Variants in ROBO2 observed in about 807,000 individuals in gnomAD.
The protein encoded by ROBO2 is roundabout guidance receptor 2, also known as roundabout homolog 2.
A neutral mutation model predicts 160.8 loss-of-function variants in ROBO2; 53 were observed. That is an observed-to-expected ratio of 0.33 (90% CI 0.26 to 0.41). ROBO2 has a LOEUF of 0.41. ROBO2 is among the 10% of genes least tolerant of loss of function. The pLI, the probability that ROBO2 is intolerant of heterozygous loss-of-function variation, is 1.00. For missense variants in ROBO2, 1,577 were observed against 1,722.4 expected, an observed-to-expected ratio of 0.92 and a Z score of 1.49; for synonymous variants, 664 against 611.7, an observed-to-expected ratio of 1.09 and a Z score of -1.26.
At chr3:77,332,263 C>G (rs1480811560) in intron 2 of ROBO2, among the ~76,000 whole-genome samples, 1 of 152,046 alleles carries the variant, frequency 6.6e-6, no homozygotes, top group African/African-American at 2.4e-5. Flanking sequence ...TTCATTGGAA[C>G]CTTTTGTGAC....
At chr3:76,497,969 G>A (rs2080246132) in intron 2 of ROBO2, among the ~76,000 whole-genome samples, 2 of 151,990 alleles carry the variant, frequency 1.3e-5, no homozygotes, top group African/African-American at 4.8e-5. Flanking sequence ...TCCTTAACCT[G>A]CTTTATTTGT....
At chr3:77,197,965 A>G (rs1038606375) in intron 2 of ROBO2, among the ~76,000 whole-genome samples, 1 of 152,156 alleles carries the variant, frequency 6.6e-6, no homozygotes, top group African/African-American at 2.4e-5. Flanking sequence ...CTATTTGTGT[A>G]TTTGTACTCC....
chr3:76,919,501 A>G (rs6784090), intron 2 of ROBO2, among the ~76,000 whole-genome samples: 26,476 of 152,114 alleles, frequency 0.17, 2,598 homozygotes, highest in Non-Finnish European at 0.23. Context: ...TGTAAATTTA[A>G]TAGTATCTTC....
At position 76,034,372 on chromosome 3, in the gene ROBO2, A is replaced by G. The variant is rs186634632; in HGVS notation, c.109+96770A>G. Among the ~76,000 whole-genome samples, 377 of 152,294 alleles carry G rather than the reference A, an allele frequency of 2.5e-3. 2 individuals carry two copies. Among genetic ancestry groups the G allele is most frequent in the Middle Eastern group, 0.014 (4 of 294 alleles). On this transcript the variant is annotated intron_variant, in intron 2 of 26. Coordinates refer to the ROBO2 transcript ENST00000487694. ...TTAGCTGGTTAATTCAGAAGGACTAAATGCATCTATTTCTATTATATTTTT... is the reference window on the plus strand; with the variant it reads ...TTAGCTGGTTAATTCAGAAGGACTAGATGCATCTATTTCTATTATATTTTT...
intron 2 of ROBO2, among the ~76,000 whole-genome samples, chr3:76,295,894 AG>A (rs1325125643): frequency 1.3e-5 from 2 of 152,166 alleles, no homozygotes; most frequent in Non-Finnish European, 2.9e-5. Flanking sequence ...GGATTGAGAT[AG>A]GAGAAGCTAG....
At chr3:76,374,549 A>G (rs1419404711) in intron 2 of ROBO2, among the ~76,000 whole-genome samples, 1 of 152,052 alleles carries the variant, frequency 6.6e-6, no homozygotes, top group Non-Finnish European at 1.5e-5. Context: ...ATCTCTTTAT[A>G]TAAGGTTTAA....
intron 2 of ROBO2, among the ~76,000 whole-genome samples, chr3:76,612,021 G>T (rs2088168093): frequency 4.6e-5 from 7 of 152,044 alleles, no homozygotes. Context: ...TGACCCATTG[G>T]TCATTCAGAA....
intron 2 of ROBO2, among the ~76,000 whole-genome samples, chr3:77,024,940 G>C (rs1189638752): frequency 6.6e-6 from 1 of 151,326 alleles, no homozygotes; most frequent in East Asian, 1.9e-4. Flanking sequence ...ACCTTTTTCT[G>C]TTTTGTCTTC....
At chr3:76,361,245 G>T (rs3849477) in intron 2 of ROBO2, among the ~76,000 whole-genome samples, 28,207 of 151,856 alleles carry the variant, frequency 0.19, 3,815 homozygotes, top group African/African-American at 0.39. Context: ...TCAAGCCTCT[G>T]GCTTGAGCAA....
chr3:77,046,488 G>A lies in ROBO2; in HGVS notation c.61+5642G>A, dbSNP rs181635842. ...AGTAAATATAAATCATAGAATGATA[G>A]CATCTCGGAGCCATTATGAATATTT... On this transcript the variant is annotated intron_variant, in intron 1 of 25. Coordinates refer to ENST00000461745, the Ensembl canonical transcript of ROBO2. Among the ~76,000 whole-genome samples the A allele has an allele frequency of 2.6e-4, 39 of 152,264 alleles. No individual in the cohort carries two copies. The East Asian group carries it at 7.0e-3, about 27-fold the overall frequency.
At chr3:76,929,703 T>A (rs929358097) in intron 2 of ROBO2, among the ~76,000 whole-genome samples, 3 of 131,896 alleles carry the variant, frequency 2.3e-5, no homozygotes, top group African/African-American at 8.5e-5. Flanking sequence ...GATCTCAGGG[T>A]AGAAGAGACT....
chr3:75,909,196 T>C (rs1052944707), intron 1 of ROBO2, among the ~76,000 whole-genome samples: 1 of 152,122 alleles, frequency 6.6e-6, no homozygotes, highest in Non-Finnish European at 1.5e-5. Context: ...GAAAACAAAA[T>C]CCCTATAATA....
chr3:76,141,729 A>G (rs1184409064), intron 2 of ROBO2, among the ~76,000 whole-genome samples: 2 of 151,964 alleles, frequency 1.3e-5, no homozygotes, highest in African/African-American at 2.4e-5. Context: ...AGATTGGTTT[A>G]GTGTGGGCAT....
At chr3:77,285,095 T>C (rs2060491998) in intron 2 of ROBO2, among the ~76,000 whole-genome samples, 1 of 152,142 alleles carries the variant, frequency 6.6e-6, no homozygotes, top group South Asian at 2.1e-4. Flanking sequence ...AGAAAATTAA[T>C]CTTTGGTGAT....
intron 2 of ROBO2, among the ~76,000 whole-genome samples, chr3:76,742,403 C>T (rs2093817069): frequency 6.6e-6 from 1 of 152,078 alleles, no homozygotes; most frequent in African/African-American, 2.4e-5. Context: ...TTTTTAACTA[C>T]TCCATTTGAA....
intron 2 of ROBO2, among the ~76,000 whole-genome samples, chr3:76,059,039 C>T (rs2067968763): frequency 4.0e-5 from 6 of 150,580 alleles, no homozygotes; most frequent in Admixed American, 2.7e-4. Flanking sequence ...TTTCTTAATC[C>T]AGTCTATCAT....
chr3:76,394,574 T>G (rs2108677565), intron 2 of ROBO2, among the ~76,000 whole-genome samples: 1 of 152,212 alleles, frequency 6.6e-6, no homozygotes, highest in Admixed American at 6.5e-5. Context: ...CGTTTCAACT[T>G]TAATGAATCT....
At chr3:76,868,991 A>G (rs1223388559) in intron 2 of ROBO2, among the ~76,000 whole-genome samples, 1 of 152,198 alleles carries the variant, frequency 6.6e-6, no homozygotes, top group Non-Finnish European at 1.5e-5. Context: ...CAAGAAAATG[A>G]GATAATAACA....
intron 2 of ROBO2, among the ~76,000 whole-genome samples, chr3:77,142,858 A>G (rs958392525): frequency 1.3e-5 from 2 of 152,212 alleles, no homozygotes; most frequent in Non-Finnish European, 2.9e-5. Flanking sequence ...TCTCAATGCA[A>G]TGCAGCGACC....
Sources: allele counts gnomAD v4.1 joint callset (sites outside exome capture counted in the v4.1 genomes callset), GRCh38; gene constraint gnomAD v4.1.1; transcripts MANE v1.5; gene names NCBI Gene and HGNC (gene_info 2026-07-23, HGNC 2026-07-21).